The following ADK variants were observed in gnomAD, a reference collection of about 807,000 sequenced individuals.
The protein encoded by ADK is adenosine kinase.
In ADK, 24 loss-of-function variants were observed where a neutral mutation model predicts 44.7. The ratio of observed to expected loss-of-function variants is 0.54; its 90% CI spans 0.39 to 0.76. The LOEUF is 0.76. ADK is among the 30% of genes least tolerant of loss of function. ADK has a pLI of 0.00. For missense variants in ADK, 321 were observed against 425.1 expected (o/e 0.76, Z 2.15); for synonymous variants, 128 against 142.6 (o/e 0.90, Z 0.73).
chr10:74,338,014 A>C (rs1841465419), intron 4 of ADK, among the ~76,000 whole-genome samples: 1 of 152,046 alleles, frequency 6.6e-6, no homozygotes, highest in Non-Finnish European at 1.5e-5. Context: ...GGCTTCAAGC[A>C]GTCCTCCTGC....
chr10:74,474,099 T>C (rs1287386038), intron 6 of ADK, among the ~76,000 whole-genome samples: 2 of 152,146 alleles, frequency 1.3e-5, no homozygotes, highest in South Asian at 2.1e-4. Context: ...ATTTGTCTCT[T>C]TGCTTCCATT....
At chr10:74,464,367 G>A (rs956078268) in intron 6 of ADK, among the ~76,000 whole-genome samples, 4 of 151,274 alleles carry the variant, frequency 2.6e-5, no homozygotes, top group Non-Finnish European at 5.9e-5. Context: ...GGCAACATAG[G>A]GAGACCCCCA....
intron 6 of ADK, among the ~76,000 whole-genome samples, chr10:74,499,619 C>T (rs1263715064): frequency 1.1e-4 from 17 of 151,874 alleles, no homozygotes; most frequent in African/African-American, 3.4e-4. Context: ...ACCCGGGAGG[C>T]GGAGCTTGCA....
chr10:74,568,261 A>C (rs1850768338), intron 7 of ADK, among the ~76,000 whole-genome samples: 3 of 152,192 alleles, frequency 2.0e-5, no homozygotes, highest in Admixed American at 2.0e-4. Flanking sequence ...AAAAGATTGG[A>C]CATCCTTTAT....
intron 5 of ADK, among the ~76,000 whole-genome samples, chr10:74,395,412 T>C (rs551040162): frequency 1.3e-5 from 2 of 152,278 alleles, no homozygotes; most frequent in East Asian, 3.9e-4. Flanking sequence ...AAATACAATA[T>C]TCAAAAATTA....
At chr10:74,346,572 GA>G (rs1445027689) in intron 4 of ADK, among the ~76,000 whole-genome samples, 1 of 152,154 alleles carries the variant, frequency 6.6e-6, no homozygotes, top group Admixed American at 6.5e-5. Context: ...TAATGTAAAA[GA>G]GCAATCTTGT....
At chr10:74,234,193 A>C (rs67145629) in intron 3 of ADK, among the ~76,000 whole-genome samples, 3,295 of 152,316 alleles carry the variant, frequency 0.022, 61 homozygotes, top group Non-Finnish European at 0.037. Context: ...ATTAGCAGCC[A>C]ATCTAACCTT....
chr10:74,542,423 G>A (rs1184680683), intron 7 of ADK, among the ~76,000 whole-genome samples: 1 of 152,176 alleles, frequency 6.6e-6, no homozygotes, highest in Non-Finnish European at 1.5e-5. Context: ...CTCAATATCT[G>A]TGTACAATTT....
intron 3 of ADK, among the ~76,000 whole-genome samples, chr10:74,246,197 G>A (rs1392814475): frequency 1.3e-5 from 2 of 152,146 alleles, no homozygotes; most frequent in Admixed American, 1.3e-4. Flanking sequence ...TACTAAGACT[G>A]TGTTTACCCT....
intron 2 of ADK, among the ~76,000 whole-genome samples, chr10:74,223,722 C>T (rs528882521): frequency 9.5e-4 from 144 of 152,048 alleles, no homozygotes; most frequent in Admixed American, 2.5e-3. Context: ...ATTTTATGAC[C>T]AGAGAAACTG....
At chr10:74,346,668 C>A (rs1002691777) in intron 4 of ADK, among the ~76,000 whole-genome samples, 1 of 152,040 alleles carries the variant, frequency 6.6e-6, no homozygotes, top group African/African-American at 2.4e-5. Context: ...TTTCCCCTTG[C>A]ACTTACAGGC....
rs367567315 is a variant in ADK, at chr10:74,239,132, A to G, written c.194+14541A>G. Among the ~76,000 whole-genome samples, 62 of 152,124 alleles carry G rather than the reference A, an allele frequency of 4.1e-4. 1 individual carries two copies. The Middle Eastern group carries it at 0.01, about 25-fold the overall frequency. On this transcript the variant is annotated intron_variant, in intron 3 of 10. Transcript: ENST00000539909. Reference sequence around the variant, plus strand: ...GTAGTCATACTTCTACTTTCTTCTGAATATAATATTGTTTCTTTTTTCTCC... The same window carrying G: ...GTAGTCATACTTCTACTTTCTTCTGGATATAATATTGTTTCTTTTTTCTCC...
chr10:74,497,224 G>A (rs1030586885), intron 6 of ADK, among the ~76,000 whole-genome samples: 1 of 152,248 alleles, frequency 6.6e-6, no homozygotes, highest in Non-Finnish European at 1.5e-5. Context: ...GAGTAAGGGT[G>A]ATGCTTGAGT....
chr10:74,181,678 A>G (rs908126930), intron 1 of ADK, among the ~76,000 whole-genome samples: 1 of 152,176 alleles, frequency 6.6e-6, no homozygotes, highest in Non-Finnish European at 1.5e-5. Context: ...ACTTAGACCT[A>G]GTGGTAGAGC....
chr10:74,419,729 A>G (rs1047065938), intron 6 of ADK, among the ~76,000 whole-genome samples: 1 of 152,172 alleles, frequency 6.6e-6, no homozygotes, highest in South Asian at 2.1e-4. Flanking sequence ...GAGTTTTTTA[A>G]AGAGTTTGTA....
At chr10:74,314,943 T>A (rs1488839419) in intron 4 of ADK, among the ~76,000 whole-genome samples, 198 bp downstream of exon 4, 3 of 152,154 alleles carry the variant, frequency 2.0e-5, no homozygotes. Flanking sequence ...GCTTGAACTT[T>A]TAATGTTTAT....
intron 6 of ADK, among the ~76,000 whole-genome samples, chr10:74,409,964 A>G (rs1187720044): frequency 2.0e-5 from 3 of 152,204 alleles, no homozygotes; most frequent in African/African-American, 7.2e-5. Context: ...CTCAGTTACA[A>G]TTAAATATCT....
At chr10:74,500,163 A>G (rs1847840854) in intron 6 of ADK, among the ~76,000 whole-genome samples, 2 of 152,302 alleles carry the variant, frequency 1.3e-5, no homozygotes, top group African/African-American at 4.8e-5. Context: ...GTGGCCGGGA[A>G]ACTAAGCCTC....
chr10:74,433,391 A>G (rs1342677125), intron 6 of ADK, among the ~76,000 whole-genome samples: 1 of 152,224 alleles, frequency 6.6e-6, no homozygotes, highest in Non-Finnish European at 1.5e-5. Context: ...GAATGGACTG[A>G]AGATTCTGCT....
Sources: allele counts gnomAD v4.1 joint callset (sites outside exome capture counted in the v4.1 genomes callset), GRCh38; gene constraint gnomAD v4.1.1; transcripts MANE v1.5; gene names NCBI Gene and HGNC (gene_info 2026-07-23, HGNC 2026-07-21).